Variants in CCDC178 observed in about 807,000 individuals in gnomAD.
CCDC178 encodes coiled-coil domain-containing protein 178.
In CCDC178, 126 loss-of-function variants were observed where a neutral mutation model predicts 117.4. The ratio of observed to expected loss-of-function variants is 1.07; its 90% CI spans 0.93 to 1.24. CCDC178 has a LOEUF of 1.24. CCDC178 is among the 50% of genes most tolerant of loss of function. The pLI, the probability that CCDC178 is intolerant of heterozygous loss-of-function variation, is 0.00. For missense variants in CCDC178, 1,030 were observed against 986.9 expected (o/e 1.04, Z -0.59); for synonymous variants, 283 against 313.4 (o/e 0.90, Z 1.02).
intron 22 of CCDC178, among the ~76,000 whole-genome samples, chr18:32,966,218 T>A (rs776590336): frequency 5.3e-5 from 8 of 151,852 alleles, no homozygotes; most frequent in Non-Finnish European, 1.0e-4. Flanking sequence ...CATATACAAT[T>A]TGAAATCCTA....
At chr18:33,410,702 T>C (rs1338256063) in intron 3 of CCDC178, among the ~76,000 whole-genome samples, 1 of 152,196 alleles carries the variant, frequency 6.6e-6, no homozygotes, top group Non-Finnish European at 1.5e-5. Context: ...CGTATTCACT[T>C]TCCTTTGCAG....
chr18:33,394,943 G>GTATGTATATATA (rs1555697671), intron 4 of CCDC178, among the ~76,000 whole-genome samples: 77 of 61,490 alleles, frequency 1.3e-3, no homozygotes, highest in Non-Finnish European at 2.0e-3. Context: ...ATATGTATGT[G>GTATGTATATATA]TATATATATA....
chr18:33,111,569 C>A (rs1169085689), intron 20 of CCDC178, among the ~76,000 whole-genome samples: 1 of 151,622 alleles, frequency 6.6e-6, no homozygotes, highest in African/African-American at 2.4e-5. Context: ...CATTCCCCTA[C>A]CCAACATTGC....
intron 21 of CCDC178, among the ~76,000 whole-genome samples, chr18:33,012,144 C>T (rs1208185356): frequency 6.6e-6 from 1 of 152,152 alleles, no homozygotes; most frequent in Non-Finnish European, 1.5e-5. Context: ...TAGATAAAGT[C>T]ACATAGCTAC....
intron 20 of CCDC178, among the ~76,000 whole-genome samples, chr18:33,174,339 G>A (rs1177604600): frequency 1.3e-5 from 2 of 152,066 alleles, no homozygotes; most frequent in Non-Finnish European, 2.9e-5. Flanking sequence ...ATTTGGGTGG[G>A]GACAAATATC....
At chr18:33,132,014 A>G (rs271578) in intron 20 of CCDC178, among the ~76,000 whole-genome samples, 24,299 of 151,172 alleles carry the variant, frequency 0.16, 2,703 homozygotes, top group African/African-American at 0.32. Flanking sequence ...GGTGCTACTC[A>G]TGTAGCTAAG....
At chr18:33,143,785 T>C (rs894005456) in intron 20 of CCDC178, among the ~76,000 whole-genome samples, 1 of 152,116 alleles carries the variant, frequency 6.6e-6, no homozygotes, top group Non-Finnish European at 1.5e-5. Flanking sequence ...ACCAAAGTAT[T>C]AACATGTTTA....
At chr18:33,116,798 A>G (rs2057863056) in intron 20 of CCDC178, among the ~76,000 whole-genome samples, 1 of 109,778 alleles carries the variant, frequency 9.1e-6, no homozygotes, top group African/African-American at 5.1e-5. Flanking sequence ...ACTCTCTTTT[A>G]AAGAAAATTT....
rs556343550 is a variant in CCDC178, at chr18:33,108,688, T to C, written c.2239-15778A>G. The stretch of plus-strand genomic sequence containing the variant: ...TATGTTTCTCCATCACAATTAAATA[T>C]AGCTTAATTGTATTATGAACTTCCT... On this transcript the variant is annotated intron_variant, in intron 20 of 22. Transcript: ENST00000383096. Among the ~76,000 whole-genome samples, 4 of 151,796 alleles carry C rather than the reference T, an allele frequency of 2.6e-5. No homozygotes were observed. The East Asian group carries it at 7.8e-4, about 30-fold the overall frequency.
intron 9 of CCDC178, among the ~76,000 whole-genome samples, chr18:33,338,054 A>C (rs559813089): frequency 4.0e-4 from 61 of 152,290 alleles, no homozygotes; most frequent in African/African-American, 1.3e-3. Context: ...CAAATCAGCC[A>C]GAAAAAATCA....
intron 21 of CCDC178, among the ~76,000 whole-genome samples, chr18:32,995,830 C>T (rs1056450981): frequency 4.6e-5 from 7 of 151,814 alleles, no homozygotes; most frequent in African/African-American, 1.7e-4. Flanking sequence ...AAGAAAGATG[C>T]TATAGGAGAA....
chr18:33,307,888 T>C (rs557454698), intron 11 of CCDC178, among the ~76,000 whole-genome samples: 2 of 152,336 alleles, frequency 1.3e-5, no homozygotes, highest in African/African-American at 4.8e-5. Flanking sequence ...GAACTGAGGT[T>C]TGGGAACCTT....
At chr18:32,964,776 C>A (rs1283981370) in intron 22 of CCDC178, among the ~76,000 whole-genome samples, 1 of 151,924 alleles carries the variant, frequency 6.6e-6, no homozygotes, top group Non-Finnish European at 1.5e-5. Context: ...TATATTTTCA[C>A]TTCAGAAAAT....
At chr18:33,385,531 T>A (rs1480944325) in intron 5 of CCDC178, among the ~76,000 whole-genome samples, 1 of 152,010 alleles carries the variant, frequency 6.6e-6, no homozygotes, top group Admixed American at 6.5e-5. Context: ...CACAGTACAA[T>A]CAAATTAGAA....
chr18:33,370,743 T>C (rs1034777653), intron 5 of CCDC178, among the ~76,000 whole-genome samples: 2 of 151,974 alleles, frequency 1.3e-5, no homozygotes, highest in African/African-American at 2.4e-5. Context: ...TTCTGAAAAT[T>C]GGAGTCTCAT....
At chr18:33,022,951 A>G (rs2056151497) in intron 21 of CCDC178, among the ~76,000 whole-genome samples, 2 of 152,234 alleles carry the variant, frequency 1.3e-5, no homozygotes, top group South Asian at 4.1e-4. Context: ...ATATCAAACA[A>G]TCTTGACTTT....
chr18:33,095,733 T>G (rs191316775), intron 20 of CCDC178, among the ~76,000 whole-genome samples: 38 of 152,070 alleles, frequency 2.5e-4, no homozygotes, highest in Non-Finnish European at 4.0e-4. Flanking sequence ...ATATGGCACA[T>G]TCATTATACT....
intron 2 of CCDC178, among the ~76,000 whole-genome samples, chr18:33,417,878 T>A (rs894591162): frequency 1.3e-5 from 2 of 152,080 alleles, no homozygotes; most frequent in African/African-American, 4.8e-5. Context: ...AAAAGCCCAG[T>A]ACCAGAGAGA....
At chr18:33,412,217 T>C in intron 2 of CCDC178, 107 bp from the exon 3 acceptor site, 1 of 469,558 alleles carries the variant, frequency 2.1e-6, no homozygotes, top group East Asian at 3.5e-5. Context: ...TGTAAGGATG[T>C]AAAATGTAAG....
Sources: gnomAD v4.1 joint callset for allele counts (sites outside exome capture counted in the v4.1 genomes callset) on GRCh38, gnomAD v4.1.1 for gene constraint, MANE v1.5 for transcripts, NCBI Gene and HGNC (gene_info 2026-07-23, HGNC 2026-07-21) for gene names.